The following PRUNE2 variants were observed in gnomAD, a reference collection of about 807,000 sequenced individuals.
PRUNE2 encodes the protein protein prune homolog 2.
In PRUNE2, 164 loss-of-function variants were observed where a neutral mutation model predicts 252.0. The observed-to-expected ratio is 0.65, with a 90% CI of 0.57 to 0.74. PRUNE2 has a LOEUF of 0.74. Among genes scored for constraint, PRUNE2 ranks in the 30% least tolerant of loss-of-function variants. The probability of loss-of-function intolerance (pLI) is 0.00; values close to 1 mark genes in which losing one functional copy is unlikely to be tolerated. For synonymous variants in PRUNE2, 1,292 were observed against 1,350.2 expected (o/e 0.96, Z 0.94); for missense variants, 3,495 against 3,711.0 (o/e 0.94, Z 1.51).
At chr9:76,776,546 C>T (rs1457512554) in intron 6 of PRUNE2, among the ~76,000 whole-genome samples, 27 of 92,360 alleles carry the variant, frequency 2.9e-4, no homozygotes, top group African/African-American at 1.6e-3. Context: ...AGATGAGTCT[C>T]GCTCTGTTGC....
At chr9:76,625,293 AC>A (rs1834193029) in intron 16 of PRUNE2, among the ~76,000 whole-genome samples, 1 of 152,172 alleles carries the variant, frequency 6.6e-6, no homozygotes, top group African/African-American at 2.4e-5. Flanking sequence ...ACAAATACTT[AC>A]CATGGTGTTA....
At chr9:76,808,280 A>G (rs763102590) in intron 6 of PRUNE2, among the ~76,000 whole-genome samples, 6 of 152,250 alleles carry the variant, frequency 3.9e-5, no homozygotes, top group Non-Finnish European at 5.9e-5. Flanking sequence ...TGTCTCTGTC[A>G]CCAAACAAAA....
chr9:76,887,101 A>T (rs2062149608), intron 1 of PRUNE2, among the ~76,000 whole-genome samples: 1 of 152,234 alleles, frequency 6.6e-6, no homozygotes, highest in Admixed American at 6.5e-5. Flanking sequence ...AAACTAAAGC[A>T]CAGAGAATTT....
intron 11 of PRUNE2, among the ~76,000 whole-genome samples, chr9:76,648,276 A>C (rs1194550079): frequency 6.6e-6 from 1 of 152,182 alleles, no homozygotes; most frequent in Admixed American, 6.5e-5. Context: ...TACAAAATTA[A>C]GCATACTCTT....
At position 76,679,494 on chromosome 9, in the gene PRUNE2, T is replaced by C. The variant is rs74765309; in HGVS notation, c.8276+23843A>G. 4.6e-3 allele frequency among the ~76,000 whole-genome samples: 701 copies of C among 152,272 alleles called. 1 individual carries two copies. The highest frequency in any genetic ancestry group is 9.0e-3 in the African/African-American group (372 of 41,550). On this transcript the variant is annotated intron_variant, in intron 9 of 18. Coordinates refer to ENST00000376718, the MANE Select transcript of PRUNE2 (RefSeq NM_015225.3). ...TAATCAAAACAGTATAGTACTGGCA[T>C]AAACACTGATATAGCTGAGCACTGT...
At chr9:76,876,405 T>G (rs531650847) in intron 1 of PRUNE2, among the ~76,000 whole-genome samples, 1 of 152,272 alleles carries the variant, frequency 6.6e-6, no homozygotes, top group Admixed American at 6.5e-5. Context: ...TGACCCTTTT[T>G]GGGGGCCAGA....
rs193180663 is a variant in PRUNE2 at position 76,676,965 on chromosome 9, G to A, written c.8277-21463C>T. ...CACTGTCCACATGTCTATTATATTT[G>A]TTCATCTTCACAAATATTTTCTGAA... On this transcript the variant is annotated intron_variant, in intron 9 of 18. Transcript: ENST00000376718. 1.4e-3 allele frequency among the ~76,000 whole-genome samples: 208 copies of A among 152,260 alleles called. 1 individual carries two copies. The highest frequency in any genetic ancestry group is 4.8e-3 in the African/African-American group (200 of 41,544).
At chr9:76,778,689 G>A (rs1471984649) in intron 6 of PRUNE2, 1 of 152,144 alleles carries the variant, frequency 6.6e-6, no homozygotes, top group Non-Finnish European at 1.5e-5. Flanking sequence ...CTATAAAGTG[G>A]GATATAGTAT....
chr9:76,851,450 A>C (rs2059954084), intron 2 of PRUNE2, among the ~76,000 whole-genome samples: 3 of 151,990 alleles, frequency 2.0e-5, no homozygotes, highest in Admixed American at 6.6e-5. Flanking sequence ...TGGGAGGCTG[A>C]GGCAGGAGAA....
At chr9:76,888,649 G>A (rs2062259778) in intron 1 of PRUNE2, among the ~76,000 whole-genome samples, 4 of 151,462 alleles carry the variant, frequency 2.6e-5, no homozygotes, top group Admixed American at 2.0e-4. Flanking sequence ...AGGTGTTGAG[G>A]GGAACTGTGA....
intron 1 of PRUNE2, among the ~76,000 whole-genome samples, chr9:76,897,390 CTTTTTTTT>C (rs55702049): frequency 0.14 from 7,723 of 56,482 alleles, 693 homozygotes; most frequent in South Asian, 0.32. Flanking sequence ...AGGCAAACCT[CTTTTTTTT>C]TTTTTTTTTT....
chr9:76,741,924 T>C (rs2049658813), intron 6 of PRUNE2, among the ~76,000 whole-genome samples: 1 of 152,204 alleles, frequency 6.6e-6, no homozygotes, highest in Non-Finnish European at 1.5e-5. Context: ...CCACAACATA[T>C]ATGACAGGTT....
At chr9:76,620,856 C>T (rs1426159360) in intron 17 of PRUNE2, among the ~76,000 whole-genome samples, 2 of 152,188 alleles carry the variant, frequency 1.3e-5, no homozygotes, top group Admixed American at 1.3e-4. Context: ...CAGCAATTTG[C>T]AAACCCTTTA....
chr9:76,615,634 T>A (rs186507810), intron 18 of PRUNE2, among the ~76,000 whole-genome samples: 2 of 152,190 alleles, frequency 1.3e-5, no homozygotes, highest in African/African-American at 4.8e-5. Flanking sequence ...GGAACGGTCA[T>A]ACCGCTTTCA....
rs552501087 is a variant in PRUNE2, at chr9:76,705,819, T to C, written c.6455A>G (p.Glu2152Gly). ...GAGTTCTGCATTGGATGGGACAAAC[T>C]CCCGTCCAGGCTCATAAATGGGTTC... ...DEEPIYEPGREFVPSNAELDS... is the reference protein window; with the variant it reads ...DEEPIYEPGRGFVPSNAELDS... The change falls in exon 8 of 19, where the codon GAG (glutamate) becomes GGG (glycine). Residue 2152 changes from glutamate to glycine, a missense_variant. By Grantham distance (98) the Glu-to-Gly change is moderately conservative (BLOSUM62 -2). Coordinates refer to ENST00000376718, the MANE Select transcript of PRUNE2 (RefSeq NM_015225.3). 6.2e-7 allele frequency: 1 copy of C among 1,613,666 alleles called. No individual in the cohort carries two copies. The highest frequency in any genetic ancestry group is 1.1e-5 in the South Asian group (1 of 91,082).
chr9:76,637,027 C>T (rs1840471672), intron 14 of PRUNE2, among the ~76,000 whole-genome samples: 1 of 144,892 alleles, frequency 6.9e-6, no homozygotes, highest in Non-Finnish European at 1.5e-5. Flanking sequence ...TTAGGGAGTT[C>T]TATGCAAGTT....
chr9:76,710,849 C>T lies in PRUNE2; in HGVS notation c.1425G>A (p.Gly475=). 1 of 1,543,982 alleles carries T rather than the reference C, an allele frequency of 6.5e-7. No individual in the cohort carries two copies. The highest frequency in any genetic ancestry group is 1.3e-5 in the South Asian group (1 of 77,788). ...GLDSYSPIPE[G]AVAEEHAWSG... ...ACCATGCATGTTCCTCCGCCACCGC[C>T]CCTTCAGGGATGGGGCTGTAGGAGT... Residue 475 remains glycine, a synonymous_variant, in exon 8 of 19, where the codon GGG becomes GGA. Coordinates refer to ENST00000376718, the MANE Select transcript of PRUNE2 (RefSeq NM_015225.3).
At chr9:76,890,083 A>G (rs1651662646) in intron 1 of PRUNE2, among the ~76,000 whole-genome samples, 1 of 151,978 alleles carries the variant, frequency 6.6e-6, no homozygotes, top group African/African-American at 2.4e-5. Context: ...ATAAGCTAAG[A>G]CTCTCAGGAA....
At position 76,713,536 on chromosome 9, in the gene PRUNE2, C is replaced by T. The variant is rs1037299956; in HGVS notation, c.915+27G>A. The T allele has an allele frequency of 9.4e-6, 15 of 1,589,752 alleles. No individual in the cohort carries two copies. In the African/African-American group the frequency reaches 1.6e-4, roughly 17 times the overall value. On this transcript the variant is annotated intron_variant, in intron 7 of 18. Transcript: ENST00000376718. ...AGCCAGCAGGTTAGGACAGAGGGAA[C>T]ATGACGGGGTCAGAGGAGGGGCTCA...
Sources: gnomAD v4.1 joint callset for allele counts (sites outside exome capture counted in the v4.1 genomes callset) on GRCh38, gnomAD v4.1.1 for gene constraint, MANE v1.5 for transcripts, NCBI Gene and HGNC (gene_info 2026-07-23, HGNC 2026-07-21) for gene names.